Variants in SERAC1 observed in about 807,000 individuals in gnomAD.
SERAC1 encodes the protein protein SERAC1.
Under a neutral mutation model 85.7 loss-of-function variants are expected in SERAC1, and 36 were observed. The ratio of observed to expected loss-of-function variants is 0.42; its 90% CI spans 0.32 to 0.55. The LOEUF (loss-of-function observed/expected upper bound fraction) is 0.55. Ranked by LOEUF, SERAC1 falls within the 20% of genes least tolerant of loss-of-function variation. The pLI is 0.11. For missense variants in SERAC1, 629 were observed against 796.2 expected (o/e 0.79, Z 2.53); for synonymous variants, 242 against 265.3 (o/e 0.91, Z 0.85).
At chr6:158,134,344 A>G (rs2128417128) in intron 8 of SERAC1, among the ~76,000 whole-genome samples, 1 of 152,348 alleles carries the variant, frequency 6.6e-6, no homozygotes, top group South Asian at 2.1e-4. Context: ...CATTAGCCCT[A>G]AAAGGAACCA....
chr6:158,161,126 C>G (rs751074100), intron 1 of SERAC1: 2 of 152,170 alleles, frequency 1.3e-5, no homozygotes, highest in African/African-American at 2.4e-5. Flanking sequence ...GCCTGCAATC[C>G]CAGCACTTGG....
chr6:158,113,712 A>G (rs1784202885), intron 15 of SERAC1, 120 bp from the exon 16 acceptor site: 2 of 900,262 alleles, frequency 2.2e-6, no homozygotes, highest in Non-Finnish European at 1.7e-6. Context: ...TGGCTTGAGT[A>G]CACATGTTTA....
At chr6:158,162,584 T>A (rs1391035572) in intron 1 of SERAC1, among the ~76,000 whole-genome samples, 2 of 152,214 alleles carry the variant, frequency 1.3e-5, no homozygotes, top group African/African-American at 2.4e-5. Flanking sequence ...ATACTCCTAT[T>A]AGATGTATGC....
At chr6:158,115,663 C>T (rs1478470482) in intron 14 of SERAC1, among the ~76,000 whole-genome samples, 1 of 152,134 alleles carries the variant, frequency 6.6e-6, no homozygotes, top group Admixed American at 6.5e-5. Context: ...GGGAGTCGCA[C>T]ACAGGGGAGG....
At chr6:158,137,198 G>A (rs112587380) in intron 8 of SERAC1, among the ~76,000 whole-genome samples, 2 of 150,586 alleles carry the variant, frequency 1.3e-5, no homozygotes, top group African/African-American at 4.9e-5. Context: ...CTCGCCTAAA[G>A]AGATGAGACA....
Position 158,116,448 on chromosome 6 carries a change from C to T in SERAC1, c.1404-166G>A, listed in dbSNP as rs988289954. 1.0e-5 allele frequency: 6 copies of T among 588,078 alleles called. No homozygotes were observed. The African/African-American group carries it at 1.1e-4, about 11-fold the overall frequency. 36.4% of individuals were successfully genotyped at this position (588,078 alleles called of 1,614,324 possible). A position where few individuals can be genotyped will look rare whatever the true frequency, so the allele number is the denominator to read the frequency against. On this transcript the variant is annotated intron_variant, in intron 13 of 16. Coordinates refer to ENST00000647468, the MANE Select transcript of SERAC1 (RefSeq NM_032861.4). ...CTGCTTAATATAAAATACCCCTATT[C>T]TCTCTTATTGAACTCCTGGCCCCAA...
At chr6:158,150,358 T>G in intron 4 of SERAC1, 95 bp downstream of exon 4, 1 of 934,372 alleles carries the variant, frequency 1.1e-6, no homozygotes, top group Non-Finnish European at 1.6e-6. Context: ...ATTAGCTCAA[T>G]CTGTATTACT....
chr6:158,143,048 G>GAACT lies in SERAC1; in HGVS notation c.738+4_738+7dup, dbSNP rs780660716. 109 of 1,603,584 alleles carry GAACT rather than the reference G, an allele frequency of 6.8e-5. No homozygotes were observed. The highest frequency in any genetic ancestry group is 8.9e-5 in the Non-Finnish European group (105 of 1,174,606). On this transcript the variant is annotated splice_region_variant and intron_variant, in intron 8 of 16. Transcript: ENST00000647468. ...AAAAATATTTACTGAATGAATACATGAACTAACCTTCTGAGCAGCTAGACT... is the reference window on the plus strand; with the variant it reads ...AAAAATATTTACTGAATGAATACATGAACTAACTAACCTTCTGAGCAGCTAGACT...
intron 3 of SERAC1, among the ~76,000 whole-genome samples, chr6:158,152,444 A>C (rs1257986532): frequency 6.6e-6 from 1 of 152,052 alleles, no homozygotes. Context: ...TGAACCGAGG[A>C]GGCAGAGGTT....
In SERAC1 at chr6:158,117,167, TA is replaced by T; in HGVS notation, c.1403+559del. Reference sequence around the variant, plus strand: ...GAGGTTCATTCAGAAAGCAGTTTGATAACACTGATTTAGACCAACTCTGTCA... The same window carrying T: ...GAGGTTCATTCAGAAAGCAGTTTGATACACTGATTTAGACCAACTCTGTCA... On this transcript the variant is annotated intron_variant, in intron 13 of 16. Coordinates refer to ENST00000647468, the MANE Select transcript of SERAC1 (RefSeq NM_032861.4). The surrounding 1 kb of genome is among the most constrained non-coding windows in gnomAD (Gnocchi z 4.3). 1 of 199,760 alleles carries T rather than the reference TA, an allele frequency of 5.0e-6. No individual in the cohort carries two copies. The highest frequency in any genetic ancestry group is 1.0e-5 in the Non-Finnish European group (1 of 98,270). The allele number at this position is 199,760 out of a possible 1,614,324, so 12.4% of individuals were successfully genotyped here.
chr6:158,130,363 TG>T lies in SERAC1; in HGVS notation c.852+9del. On this transcript the variant is annotated intron_variant, in intron 9 of 16. Transcript: ENST00000647468. ...TAAAAAGTAAACTACATTTTGAAAA[TG>T]TAAATTACCTCAGAATGTTTTACTA... 7.0e-7 allele frequency: 1 copy of T among 1,427,006 alleles called. No homozygotes were observed. The highest frequency in any genetic ancestry group is 9.5e-7 in the Non-Finnish European group (1 of 1,057,850). 88.4% of individuals were successfully genotyped at this position (1,427,006 alleles called of 1,614,324 possible).
At position 158,124,782 on chromosome 6, in the gene SERAC1, CACACACAT is replaced by C. The variant is rs1190783865; in HGVS notation, c.1015+3318_1015+3325del. 7.4e-3 allele frequency among the ~76,000 whole-genome samples: 954 copies of C among 129,746 alleles called. 9 individuals are homozygous for C. Among genetic ancestry groups the C allele is most frequent in the African/African-American group, 0.022 (673 of 30,540 alleles). The allele number at this position is 129,746 out of a possible 152,430, so 85.1% of individuals were successfully genotyped here. ...ACACACACACACACACACACACACACACACACATACACACTCAACAAAGAATACTTTAT... is the reference window on the plus strand; with the variant it reads ...ACACACACACACACACACACACACACACACACTCAACAAAGAATACTTTAT... On this transcript the variant is annotated intron_variant, in intron 10 of 16. Coordinates refer to ENST00000647468, the MANE Select transcript of SERAC1 (RefSeq NM_032861.4).
At chr6:158,126,474 A>AAGGGAGGGAGGAGATGG (rs376155144) in intron 10 of SERAC1, among the ~76,000 whole-genome samples, 1 of 152,102 alleles carries the variant, frequency 6.6e-6, no homozygotes, top group Admixed American at 6.5e-5. Flanking sequence ...CTGTCCATAG[A>AAGGGAGGGAGGAGATGG]AGGGAGGGAG....
In SERAC1 at chr6:158,117,542, T is replaced by C; in HGVS notation, c.1403+185A>G. 3 of 1,550,762 alleles carry C rather than the reference T, an allele frequency of 1.9e-6. No individual in the cohort carries two copies. The highest frequency in any genetic ancestry group is 2.6e-6 in the Non-Finnish European group (3 of 1,146,970). ...CCATTGGTGATATACCTAAGCCTTC[T>C]ACTATTCCACTGCTTATTGACAGCA... On this transcript the variant is annotated intron_variant, in intron 13 of 16. Transcript: ENST00000647468. The surrounding 1 kb of genome is among the most constrained non-coding windows in gnomAD (Gnocchi z 4.3).
chr6:158,139,334 G>A (rs930920218), intron 8 of SERAC1, among the ~76,000 whole-genome samples: 6 of 152,110 alleles, frequency 3.9e-5, no homozygotes, highest in African/African-American at 1.4e-4. Flanking sequence ...AATATACAAA[G>A]AGTTCTTACA....
intron 9 of SERAC1, among the ~76,000 whole-genome samples, chr6:158,128,598 T>C (rs1056440946): frequency 6.6e-6 from 1 of 152,216 alleles, no homozygotes; most frequent in Non-Finnish European, 1.5e-5. Flanking sequence ...ACACTTTGAC[T>C]TGAAATTACC....
At chr6:158,127,124 T>C (rs926086893) in intron 10 of SERAC1, among the ~76,000 whole-genome samples, 2 of 152,052 alleles carry the variant, frequency 1.3e-5, no homozygotes, top group African/African-American at 4.8e-5. Context: ...TCATCTACAA[T>C]ACTGATTATC....
intron 8 of SERAC1, among the ~76,000 whole-genome samples, chr6:158,131,658 G>A (rs1433214823): frequency 2.0e-5 from 3 of 151,968 alleles, no homozygotes; most frequent in Admixed American, 2.0e-4. Context: ...TGGTATCAAT[G>A]GCACGACTTC....
intron 1 of SERAC1, among the ~76,000 whole-genome samples, chr6:158,159,504 C>CA (rs71027385): frequency 0.39 from 42,530 of 108,140 alleles, 6,561 homozygotes; most frequent in Admixed American, 0.52. Context: ...GACCCGGTTT[C>CA]AAAAAAAAAA....
Sources: gnomAD v4.1 joint callset for allele counts (sites outside exome capture counted in the v4.1 genomes callset) on GRCh38, gnomAD v4.1.1 for gene constraint, Gnocchi (gnomAD v3.1) non-coding constraint, MANE v1.5 for transcripts, NCBI Gene and HGNC (gene_info 2026-07-23, HGNC 2026-07-21) for gene names.